OIT3: variants seen among roughly 807,000 people sequenced by gnomAD.
OIT3 encodes oncoprotein-induced transcript 3 protein.
In OIT3, 41 loss-of-function variants were observed where a neutral mutation model predicts 52.2. The ratio of observed to expected loss-of-function variants is 0.79; its 90% confidence interval spans 0.61 to 1.02. The LOEUF (loss-of-function observed/expected upper bound fraction) is 1.02, where lower values mean the gene tolerates loss of function less well. Ranked by LOEUF, OIT3 falls within the 50% of genes least tolerant of loss-of-function variation. OIT3 has a pLI of 0.00. For missense variants in OIT3, 634 were observed against 715.5 expected, an observed-to-expected ratio of 0.89 and a Z score of 1.30; for synonymous variants, 244 against 276.9, an observed-to-expected ratio of 0.88 and a Z score of 1.18.
chr10:72,897,301 G>A (rs1845883508), intron 1 of OIT3, among the ~76,000 whole-genome samples: 1 of 152,180 alleles, frequency 6.6e-6, no homozygotes, highest in South Asian at 2.1e-4. Context: ...TGGGATTACA[G>A]GTGTGAGCCA....
intron 6 of OIT3, among the ~76,000 whole-genome samples, chr10:72,916,230 T>G (rs1164840286): frequency 1.3e-5 from 2 of 152,156 alleles, no homozygotes; most frequent in Non-Finnish European, 2.9e-5. Context: ...CATATGTAAA[T>G]GTGTGTCATG....
Position 72,898,880 on chromosome 10 carries a change from C to G in OIT3, c.278C>G (p.Pro93Arg). 1 of 1,614,136 alleles carries G rather than the reference C, an allele frequency of 6.2e-7. No homozygotes were observed. Among genetic ancestry groups the G allele is most frequent in the Non-Finnish European group, 8.5e-7 (1 of 1,180,008 alleles). ...HAPVWLNGSH[P>R]LEGDGIVQRQ... Reference sequence around the variant, plus strand: ...CCTGTCTGGCTCAATGGCAGCCACCCCCTAGAAGGCGACGGCATTGTGCAA... The same window carrying G: ...CCTGTCTGGCTCAATGGCAGCCACCGCCTAGAAGGCGACGGCATTGTGCAA... The change falls in exon 2 of 9, where the codon CCC becomes CGC. Residue 93 changes from proline (P) to arginine (R), a missense_variant. Physicochemically the swap from Pro to Arg is moderately radical, Grantham distance 103. Coordinates refer to ENST00000334011, the MANE Select transcript of OIT3 (RefSeq NM_152635.3).
At chr10:72,906,567 A>G (rs891851359) in intron 3 of OIT3, 29 bp from the exon 4 acceptor site, 12 of 1,613,494 alleles carry the variant, frequency 7.4e-6, no homozygotes, top group African/African-American at 5.3e-5. Context: ...ACTCAGCAGT[A>G]TAGAAACAGT....
At chr10:72,898,336 TG>T (rs1348050418) in intron 1 of OIT3, among the ~76,000 whole-genome samples, 2 of 152,112 alleles carry the variant, frequency 1.3e-5, no homozygotes, top group Non-Finnish European at 2.9e-5. Flanking sequence ...ACTCAGAGTG[TG>T]GTCTGACTCG....
intron 7 of OIT3, among the ~76,000 whole-genome samples, chr10:72,927,346 G>A (rs1846178445): frequency 1.3e-5 from 2 of 152,154 alleles, no homozygotes; most frequent in Admixed American, 6.5e-5. Flanking sequence ...CGCCGTGTTG[G>A]CCAGGCTGAT....
At chr10:72,924,982 G>A (rs1476959123) in intron 7 of OIT3, among the ~76,000 whole-genome samples, 1 of 151,914 alleles carries the variant, frequency 6.6e-6, no homozygotes, top group East Asian at 1.9e-4. Flanking sequence ...GTGGTGGCAG[G>A]CACCTGTAAT....
chr10:72,924,683 C>G (rs147893832), intron 7 of OIT3, 39 bp downstream of exon 7: 2 of 1,492,854 alleles, frequency 1.3e-6, no homozygotes, highest in Non-Finnish European at 1.8e-6. Context: ...ACCCCTAGTT[C>G]ACATCCGGCC....
chr10:72,909,038 A>T (rs544425907), intron 4 of OIT3, among the ~76,000 whole-genome samples: 1 of 149,726 alleles, frequency 6.7e-6, no homozygotes, highest in African/African-American at 2.5e-5. Flanking sequence ...CATCACCCAG[A>T]TGGTGAATGT....
At chr10:72,929,235 AAAG>A (rs60309846) in intron 7 of OIT3, among the ~76,000 whole-genome samples, 5,998 of 151,978 alleles carry the variant, frequency 0.039, 388 homozygotes, top group African/African-American at 0.14. Flanking sequence ...AAGAAAAGAA[AAAG>A]AAGTGGCCTG....
chr10:72,894,935 G>C (rs1479955372), intron 1 of OIT3, among the ~76,000 whole-genome samples: 1 of 152,040 alleles, frequency 6.6e-6, no homozygotes, highest in African/African-American at 2.4e-5. Flanking sequence ...ACCCTAAGGA[G>C]ACCTGACACC....
intron 1 of OIT3, among the ~76,000 whole-genome samples, chr10:72,895,645 G>A (rs573605566): frequency 3.3e-5 from 5 of 152,314 alleles, no homozygotes; most frequent in East Asian, 3.9e-4. Context: ...ATTCAGGGGC[G>A]GCTGTCTGCC....
intron 3 of OIT3, among the ~76,000 whole-genome samples, chr10:72,902,090 C>T (rs990000645): frequency 6.6e-6 from 1 of 151,928 alleles, no homozygotes; most frequent in African/African-American, 2.4e-5. Context: ...TAAATAAAGC[C>T]TCCTAAATGA....
At chr10:72,922,689 A>T (rs1213472538) in intron 6 of OIT3, among the ~76,000 whole-genome samples, 3 of 152,018 alleles carry the variant, frequency 2.0e-5, no homozygotes. Flanking sequence ...CTGTTATTTC[A>T]GCCATGTCAG....
intron 3 of OIT3, 58 bp downstream of exon 3, chr10:72,900,542 A>C (rs1589521043): frequency 2.3e-6 from 2 of 882,106 alleles, no homozygotes; most frequent in Admixed American, 2.2e-5. Flanking sequence ...CAAATCAAAA[A>C]CTCTTCCTGC....
chr10:72,898,825 A>G lies in OIT3; in HGVS notation c.223A>G (p.Ile75Val), dbSNP rs774450315. Residue 75 changes from isoleucine (I) to valine (V), a missense_variant, in exon 2 of 9, where the codon ATA (isoleucine) becomes GTA (valine). Transcript: ENST00000334011. ...GGGAGATGCCATGCCTACCTTCTGC[A>G]TACCAGAAAACCACTGTGGAACCCA... is the stretch of plus-strand genomic sequence containing the variant. ...MAGDAMPTFCIPENHCGTHAP... is the reference protein window; with the variant it reads ...MAGDAMPTFCVPENHCGTHAP... 1 of 1,614,132 alleles carries G rather than the reference A, an allele frequency of 6.2e-7. No individual in the cohort carries two copies. Among genetic ancestry groups the G allele is most frequent in the South Asian group, 1.1e-5 (1 of 91,076 alleles).
chr10:72,929,925 A>C (rs1846201730), intron 7 of OIT3, among the ~76,000 whole-genome samples: 2 of 152,220 alleles, frequency 1.3e-5, no homozygotes, highest in Non-Finnish European at 2.9e-5. Flanking sequence ...TTAAAACCCC[A>C]AAACCCTATC....
At chr10:72,927,174 T>C (rs1846176943) in intron 7 of OIT3, among the ~76,000 whole-genome samples, 1 of 152,230 alleles carries the variant, frequency 6.6e-6, no homozygotes, top group South Asian at 2.1e-4. Context: ...AGTCTCACTC[T>C]GTAGCTCAGG....
chr10:72,918,325 G>A (rs1013626769), intron 6 of OIT3: 1 of 768,952 alleles, frequency 1.3e-6, no homozygotes, highest in Non-Finnish European at 2.4e-6. Flanking sequence ...ACTTTAATTG[G>A]ACTGCCTTCG....
intron 6 of OIT3, 148 bp downstream of exon 6, chr10:72,913,616 T>A: frequency 1.4e-6 from 1 of 737,498 alleles, no homozygotes; most frequent in Non-Finnish European, 2.4e-6. Context: ...GTCATTCTTT[T>A]AACCAACGTG....
Sources: gnomAD v4.1 joint callset for allele counts (sites outside exome capture counted in the v4.1 genomes callset) on GRCh38, gnomAD v4.1.1 for gene constraint, MANE v1.5 for transcripts, NCBI Gene and HGNC (gene_info 2026-07-23, HGNC 2026-07-21) for gene names.